The following CTNNA2 variants were observed in gnomAD, a reference collection of about 807,000 sequenced individuals.
CTNNA2 encodes the protein catenin alpha-2.
CTNNA2 carries 42 observed loss-of-function variants against 101.0 expected under a neutral mutation model. The observed-to-expected ratio is 0.42, with a 90% CI of 0.32 to 0.54. The LOEUF is 0.54. Ranked by LOEUF, CTNNA2 falls within the 20% of genes least tolerant of loss-of-function variation. The pLI is 0.14. For missense variants in CTNNA2, 871 were observed against 1,223.1 expected (o/e 0.71, Z 4.29); for synonymous variants, 450 against 456.4 (o/e 0.99, Z 0.18).
chr2:80,060,105 T>C (rs903589067), intron 7 of CTNNA2, among the ~76,000 whole-genome samples: 1 of 152,228 alleles, frequency 6.6e-6, no homozygotes, highest in Non-Finnish European at 1.5e-5. Context: ...CCAAGGATGC[T>C]TGGCTTCCAG....
chr2:79,483,480 C>G (rs1671129207), intron 4 of CTNNA2, among the ~76,000 whole-genome samples: 1 of 152,152 alleles, frequency 6.6e-6, no homozygotes, highest in Non-Finnish European at 1.5e-5. Context: ...TCAAAAGGGA[C>G]AGGATCTGAT....
rs10209132 is a variant in CTNNA2 at position 79,846,151 on chromosome 2, T to C, written c.299-11862T>C. ...TGTAATTTTATAGCATCATTTACCA[T>C]GTTCATGATACCAATTACTTGGAAC... On this transcript the variant is annotated intron_variant, in intron 3 of 18. Coordinates refer to ENST00000402739, the MANE Select transcript of CTNNA2 (RefSeq NM_001282597.3). Among the ~76,000 whole-genome samples the C allele has an allele frequency of 3.0e-3, 452 of 152,336 alleles. 2 individuals carry two copies. The highest frequency in any genetic ancestry group is 0.01 in the African/African-American group (419 of 41,584).
At chr2:80,157,427 T>C (rs1704052623) in intron 7 of CTNNA2, among the ~76,000 whole-genome samples, 1 of 152,094 alleles carries the variant, frequency 6.6e-6, no homozygotes, top group South Asian at 2.1e-4. Flanking sequence ...TTCTCAACAC[T>C]GGGCCTTTAA....
chr2:79,869,713 A>ATAC, intron 4 of CTNNA2, 103 bp from the exon 5 acceptor site: 2 of 1,420,206 alleles, frequency 1.4e-6, no homozygotes, highest in Non-Finnish European at 1.9e-6. Context: ...ATGTTAACAC[A>ATAC]TACTAGTGTT....
intron 18 of CTNNA2, among the ~76,000 whole-genome samples, chr2:80,622,295 T>C (rs1057081204): frequency 6.6e-6 from 1 of 151,700 alleles, no homozygotes; most frequent in African/African-American, 2.4e-5. Context: ...GCAAGAGAAA[T>C]ACATAACAGG....
At chr2:80,319,264 T>A (rs1463651579) in intron 7 of CTNNA2, among the ~76,000 whole-genome samples, 1 of 152,214 alleles carries the variant, frequency 6.6e-6, no homozygotes. Flanking sequence ...TGTCTACCAA[T>A]TTGGAATATA....
At chr2:80,442,545 G>A (rs1682685489) in intron 9 of CTNNA2, among the ~76,000 whole-genome samples, 1 of 152,172 alleles carries the variant, frequency 6.6e-6, no homozygotes, top group Non-Finnish European at 1.5e-5. Flanking sequence ...CACCACTTCT[G>A]TTTCCAAGGA....
At chr2:79,431,623 A>G (rs55784904) in intron 4 of CTNNA2, among the ~76,000 whole-genome samples, 48,415 of 152,092 alleles carry the variant, frequency 0.32, 7,836 homozygotes, top group South Asian at 0.44. Flanking sequence ...TCCTCCTGCA[A>G]GGAAGGACAG....
intron 7 of CTNNA2, among the ~76,000 whole-genome samples, chr2:80,343,340 T>C (rs1167157341): frequency 6.6e-6 from 1 of 151,588 alleles, no homozygotes; most frequent in Non-Finnish European, 1.5e-5. Flanking sequence ...AGATCATCCA[T>C]GTATGAATTG....
At chr2:79,830,796 A>G (rs1678870819) in intron 3 of CTNNA2, among the ~76,000 whole-genome samples, 1 of 152,228 alleles carries the variant, frequency 6.6e-6, no homozygotes, top group Non-Finnish European at 1.5e-5. Context: ...CCCAGGTTCA[A>G]TCCGATGCCC....
chr2:80,247,395 G>C (rs1671408284), intron 7 of CTNNA2, among the ~76,000 whole-genome samples: 1 of 152,106 alleles, frequency 6.6e-6, no homozygotes, highest in Non-Finnish European at 1.5e-5. Context: ...TAACCTCTCA[G>C]ACATCTTAAA....
intron 7 of CTNNA2, among the ~76,000 whole-genome samples, chr2:80,306,412 C>CTTTCTT (rs1259662881): frequency 7.7e-6 from 1 of 129,816 alleles, no homozygotes; most frequent in African/African-American, 3.1e-5. Flanking sequence ...TTCTTTCTTT[C>CTTTCTT]TTTCTTTCTT....
At chr2:80,530,366 C>T (rs1005700223) in intron 9 of CTNNA2, among the ~76,000 whole-genome samples, 1 of 152,202 alleles carries the variant, frequency 6.6e-6, no homozygotes, top group Non-Finnish European at 1.5e-5. Flanking sequence ...AGTTGTAGGG[C>T]ACTCAACAAG....
At chr2:80,079,771 G>A (rs560449557) in intron 7 of CTNNA2, among the ~76,000 whole-genome samples, 8 of 149,878 alleles carry the variant, frequency 5.3e-5, no homozygotes, top group Middle Eastern at 3.5e-3. Flanking sequence ...CCGGGATTGC[G>A]CCACTGCACT....
intron 5 of CTNNA2, among the ~76,000 whole-genome samples, chr2:79,871,685 T>C (rs1280839409): frequency 6.6e-6 from 1 of 152,166 alleles, no homozygotes. Flanking sequence ...ACTCTCACAG[T>C]GACACATTCA....
At chr2:80,604,515 G>A (rs973367658) in intron 16 of CTNNA2, among the ~76,000 whole-genome samples, 1 of 151,950 alleles carries the variant, frequency 6.6e-6, no homozygotes, top group East Asian at 1.9e-4. Flanking sequence ...GGGGGGAAAA[G>A]CAGGTTTTTA....
At chr2:79,642,100 C>A (rs1299506644) in intron 1 of CTNNA2, among the ~76,000 whole-genome samples, 1 of 152,090 alleles carries the variant, frequency 6.6e-6, no homozygotes, top group African/African-American at 2.4e-5. Context: ...AAAGGGTATA[C>A]TAGTTTGATA....
At chr2:79,837,052 G>A (rs774905359) in intron 3 of CTNNA2, among the ~76,000 whole-genome samples, 4 of 152,148 alleles carry the variant, frequency 2.6e-5, no homozygotes, top group Non-Finnish European at 5.9e-5. Context: ...TATATTTTAG[G>A]GAGATACAAT....
At chr2:80,462,339 A>G (rs1684494690) in intron 9 of CTNNA2, among the ~76,000 whole-genome samples, 2 of 152,182 alleles carry the variant, frequency 1.3e-5, no homozygotes, top group Admixed American at 1.3e-4. Flanking sequence ...TCCTGGAAAC[A>G]TACTGCTTTA....
Sources: allele counts gnomAD v4.1 joint callset (sites outside exome capture counted in the v4.1 genomes callset), GRCh38; gene constraint gnomAD v4.1.1; transcripts MANE v1.5; gene names NCBI Gene and HGNC (gene_info 2026-07-23, HGNC 2026-07-21).